AGAP1: variants seen among roughly 807,000 people sequenced by gnomAD.
The protein encoded by AGAP1 is arf-GAP with GTPase, ANK repeat and PH domain-containing protein 1.
In AGAP1, 29 loss-of-function variants were observed where a neutral mutation model predicts 105.3. That is an observed-to-expected ratio of 0.28 (90% CI 0.21 to 0.38). The LOEUF is 0.38. Among genes scored for constraint, AGAP1 ranks in the 10% least tolerant of loss-of-function variants. The pLI is 1.00. For missense variants in AGAP1, 998 were observed against 1,165.1 expected (o/e 0.86, Z 2.09); for synonymous variants, 509 against 485.9 (o/e 1.05, Z -0.63).
chr2:235,580,394 A>G (rs980218257), intron 1 of AGAP1, among the ~76,000 whole-genome samples: 5 of 130,838 alleles, frequency 3.8e-5, no homozygotes, highest in African/African-American at 1.4e-4. Context: ...TGATTTCTTC[A>G]TTTTCTTGCA....
At chr2:235,573,299 G>T (rs776006275) in intron 1 of AGAP1, among the ~76,000 whole-genome samples, 2 of 151,602 alleles carry the variant, frequency 1.3e-5, no homozygotes, top group Non-Finnish European at 2.9e-5. Context: ...TGCCTAGGCT[G>T]GTCTCAAATT....
intron 6 of AGAP1, among the ~76,000 whole-genome samples, chr2:235,784,970 C>T (rs537184520): frequency 6.6e-6 from 1 of 152,320 alleles, no homozygotes; most frequent in East Asian, 1.9e-4. Context: ...TCTCATCCTT[C>T]TTCCTAATTG....
rs1952304925 is a variant in AGAP1, at chr2:235,737,209, T to C, written c.311-3754T>C. On this transcript the variant is annotated intron_variant, in intron 3 of 17. Transcript: ENST00000304032. The surrounding 1 kb of genome is among the most constrained non-coding windows in gnomAD (Gnocchi z 4.5). The stretch of plus-strand genomic sequence containing the variant: ...CACCTGGCTGAATTTTATCTTATTA[T>C]TCACCTTTGAGTTCGTGGCAAATAC... Among the ~76,000 whole-genome samples the C allele has an allele frequency of 6.6e-6, 1 of 152,236 alleles. No individual in the cohort carries two copies.
rs2051228518 is a variant in AGAP1, at chr2:235,904,888, G to A, written c.1156-3850G>A. Among the ~76,000 whole-genome samples the A allele has an allele frequency of 6.6e-6, 1 of 152,166 alleles. No homozygotes were observed. The highest frequency in any genetic ancestry group is 1.5e-5 in the Non-Finnish European group (1 of 68,034). ...CGCTGAGTCGGAGGGCTTTTATTGA[G>A]TAGGAAATGCATTTTGTAAAATTTT... is the stretch of plus-strand genomic sequence containing the variant. On this transcript the variant is annotated intron_variant, in intron 10 of 17. Coordinates refer to ENST00000304032, the MANE Select transcript of AGAP1 (RefSeq NM_001037131.3). The surrounding 1 kb of genome is among the most constrained non-coding windows in gnomAD (Gnocchi z 4.2).
At chr2:236,118,233 A>T (rs989601181) in intron 16 of AGAP1, among the ~76,000 whole-genome samples, 13 of 151,954 alleles carry the variant, frequency 8.6e-5, no homozygotes, top group Non-Finnish European at 1.3e-4. Flanking sequence ...GCCCTGAGTG[A>T]TTTCTCCGTG....
chr2:235,547,188 A>T (rs1032281487), intron 1 of AGAP1, among the ~76,000 whole-genome samples: 3 of 152,118 alleles, frequency 2.0e-5, no homozygotes, highest in Admixed American at 2.0e-4. Flanking sequence ...AACTCCAAGG[A>T]GATGGCCTAG....
intron 3 of AGAP1, among the ~76,000 whole-genome samples, chr2:235,738,279 G>T (rs777760921): frequency 6.6e-6 from 1 of 152,118 alleles, no homozygotes; most frequent in Non-Finnish European, 1.5e-5. Flanking sequence ...ATCCCTGTTT[G>T]CTGAGCTCCT....
chr2:236,006,921 A>G (rs1284411575), intron 13 of AGAP1, among the ~76,000 whole-genome samples: 1 of 152,192 alleles, frequency 6.6e-6, no homozygotes. Context: ...GAAATGAGAC[A>G]CTTTTTATTC....
Position 235,957,627 on chromosome 2 carries a change from A to G in AGAP1, c.1484-10835A>G, listed in dbSNP as rs1321894251. On this transcript the variant is annotated intron_variant, in intron 12 of 17. Coordinates refer to ENST00000304032, the MANE Select transcript of AGAP1 (RefSeq NM_001037131.3). This position sits in a 1 kb window ranked among gnomAD's most constrained non-coding sequence, Gnocchi z 4.6. ...GGTGAGGTTTTGAACCTCACTTCAC[A>G]CTCACCTTTTAACAGAGACCCAGGA... Among the ~76,000 whole-genome samples, 2 of 152,112 alleles carry G rather than the reference A, an allele frequency of 1.3e-5. No individual in the cohort carries two copies. The highest frequency in any genetic ancestry group is 1.5e-5 in the Non-Finnish European group (1 of 68,032).
chr2:235,781,285 T>C (rs1956245290), intron 6 of AGAP1, among the ~76,000 whole-genome samples: 1 of 152,214 alleles, frequency 6.6e-6, no homozygotes, highest in Non-Finnish European at 1.5e-5. Flanking sequence ...AGAAATATTC[T>C]TTGGTGCAAT....
At position 235,882,571 on chromosome 2, in the gene AGAP1, C is replaced by T. The variant is rs2050083123; in HGVS notation, c.1051-774C>T. ...CTCTGCCTCCTGGGTTCAAGCAATTCCCCTGCTCAGCCTCCCCGAGTAGCT... is the reference window on the plus strand; with the variant it reads ...CTCTGCCTCCTGGGTTCAAGCAATTTCCCTGCTCAGCCTCCCCGAGTAGCT... On this transcript the variant is annotated intron_variant, in intron 9 of 17. Transcript: ENST00000304032. The surrounding 1 kb of genome is among the most constrained non-coding windows in gnomAD (Gnocchi z 4.6). The T allele has an allele frequency of 3.1e-6, 2 of 638,756 alleles. No homozygotes were observed. The highest frequency in any genetic ancestry group is 2.7e-5 in the Admixed American group (1 of 36,956). 39.6% of individuals were successfully genotyped at this position (638,756 alleles called of 1,614,324 possible).
At chr2:235,554,111 T>A (rs1004313019) in intron 1 of AGAP1, among the ~76,000 whole-genome samples, 2 of 152,048 alleles carry the variant, frequency 1.3e-5, no homozygotes, top group East Asian at 3.9e-4. Context: ...AATAGAAAGG[T>A]TGAGTGAAGG....
intron 1 of AGAP1, among the ~76,000 whole-genome samples, chr2:235,591,476 C>T (rs1251619956): frequency 5.3e-5 from 8 of 152,176 alleles, no homozygotes; most frequent in African/African-American, 1.7e-4. Flanking sequence ...GGCTTAATCC[C>T]TCCTTCTCTT....
Position 236,053,138 on chromosome 2 carries a change from A to T in AGAP1, c.2114+3857A>T, listed in dbSNP as rs1398488447. Among the ~76,000 whole-genome samples, 8 of 152,220 alleles carry T rather than the reference A, an allele frequency of 5.3e-5. No individual in the cohort carries two copies. Among genetic ancestry groups the T allele is most frequent in the African/African-American group, 1.9e-4 (8 of 41,462 alleles). On this transcript the variant is annotated intron_variant, in intron 16 of 17. Coordinates refer to ENST00000304032, the MANE Select transcript of AGAP1 (RefSeq NM_001037131.3). This position sits in a 1 kb window ranked among gnomAD's most constrained non-coding sequence, Gnocchi z 4.6. ...AGGCGGGGCTCTGGGTTCCAGTGTTAGAGGTACATGGTGTTACTGTAAGGA... is the reference window on the plus strand; with the variant it reads ...AGGCGGGGCTCTGGGTTCCAGTGTTTGAGGTACATGGTGTTACTGTAAGGA...
intron 12 of AGAP1, among the ~76,000 whole-genome samples, chr2:235,939,473 A>T (rs1559672481): frequency 6.6e-6 from 1 of 151,474 alleles, no homozygotes. Flanking sequence ...CACTCCCTTC[A>T]GCTTACATAC....
chr2:236,122,765 C>T (rs1013851142), intron 17 of AGAP1, among the ~76,000 whole-genome samples: 10 of 145,688 alleles, frequency 6.9e-5, no homozygotes, highest in African/African-American at 2.7e-4. Flanking sequence ...TCACTGCAAC[C>T]TCTGCCTCCC....
At chr2:235,818,531 C>T (rs1033738460) in intron 9 of AGAP1, among the ~76,000 whole-genome samples, 7 of 152,220 alleles carry the variant, frequency 4.6e-5, no homozygotes, top group South Asian at 2.1e-4. Context: ...CAACCTCTGT[C>T]ACCCAGATTC....
chr2:235,999,624 T>C (rs2056014105), intron 13 of AGAP1, among the ~76,000 whole-genome samples: 1 of 150,828 alleles, frequency 6.6e-6, no homozygotes, highest in Non-Finnish European at 1.5e-5. Flanking sequence ...GTGATGATGG[T>C]GGTAGTGATT....
intron 12 of AGAP1, among the ~76,000 whole-genome samples, chr2:235,935,278 G>A (rs912966514): frequency 1.3e-5 from 2 of 152,176 alleles, no homozygotes; most frequent in Non-Finnish European, 1.5e-5. Context: ...CTTGCAAGCC[G>A]CACGGAGGAT....
Sources: gnomAD v4.1 joint callset for allele counts (sites outside exome capture counted in the v4.1 genomes callset) on GRCh38, gnomAD v4.1.1 for gene constraint, Gnocchi (gnomAD v3.1) non-coding constraint, MANE v1.5 for transcripts, NCBI Gene and HGNC (gene_info 2026-07-23, HGNC 2026-07-21) for gene names.